Variants in MUC17 observed in about 807,000 individuals in gnomAD.
MUC17 encodes the protein mucin-17.
In MUC17, 190 loss-of-function variants were observed where a neutral mutation model predicts 170.3. The observed-to-expected ratio is 1.12, with a 90% CI of 0.99 to 1.26. MUC17 has a LOEUF of 1.26. MUC17 is among the 50% of genes most tolerant of loss of function. The pLI, the probability that MUC17 is intolerant of heterozygous loss-of-function variation, is 0.00. For missense variants in MUC17, 6,415 were observed against 5,530.0 expected (o/e 1.16, Z -5.08); for synonymous variants, 2,325 against 2,002.5 (o/e 1.16, Z -4.30).
rs200376693 is a variant in MUC17 at position 101,033,434 on chromosome 7, C to T, written c.2018C>T (p.Ala673Val). ...STEATSSSTT[A>V]EGTSMPTSTY... ...GAAGCCACTTCATCTTCTACAACTG[C>T]GGAAGGTACCAGCATGCCAACCTCA... is the stretch of plus-strand genomic sequence containing the variant. The change falls in exon 3 of 13, where the codon GCG becomes GTG. Residue 673 changes from alanine (A) to valine (V), a missense_variant. Physicochemically the swap from Ala to Val is moderately conservative, Grantham distance 64 (BLOSUM62 0). Transcript: ENST00000306151. The T allele has an allele frequency of 1.4e-4, 229 of 1,613,552 alleles. No individual in the cohort carries two copies. Among genetic ancestry groups the T allele is most frequent in the Admixed American group, 2.2e-4 (13 of 59,922 alleles).
chr7:101,050,217 C>T (rs1250623486), intron 6 of MUC17, among the ~76,000 whole-genome samples: 1 of 152,188 alleles, frequency 6.6e-6, no homozygotes, highest in African/African-American at 2.4e-5. Context: ...TTCCCTAAGA[C>T]CTACCAGAGA....
rs781506683 is a variant in MUC17 at position 101,043,242 on chromosome 7, C to T, written c.11826C>T (p.Pro3942=). ...CACCTGGGACAACCATTTTTATTCC[C>T]AGCACTCCTGTCACCAGTTCTACTG... ...GSTPGTTIFI[P]STPVTSSTAD... The change falls in exon 3 of 13, where the codon CCC becomes CCT. Residue 3942 remains proline, a synonymous_variant. Coordinates refer to ENST00000306151, the MANE Select transcript of MUC17 (RefSeq NM_001040105.2). 4.3e-6 allele frequency: 7 copies of T among 1,614,036 alleles called. No homozygotes were observed. The highest frequency in any genetic ancestry group is 1.7e-5 in the Admixed American group (1 of 59,996).
chr7:101,037,413 T>C lies in MUC17; in HGVS notation c.5997T>C (p.Ser1999=), dbSNP rs921935456. The C allele has an allele frequency of 6.2e-7, 1 of 1,612,608 alleles. No individual in the cohort carries two copies. The highest frequency in any genetic ancestry group is 8.5e-7 in the Non-Finnish European group (1 of 1,179,106). The change falls in exon 3 of 13, where the codon AGT becomes AGC. Residue 1999 remains serine, a synonymous_variant. Transcript: ENST00000306151. ...CTCTCAGCACCACGCTGGTGGTCAG[T>C]TCTGAGGCTAGCACTCTTTCCACAA... ...SMPLSTTLVV[S]SEASTLSTTP...
intron 1 of MUC17, among the ~76,000 whole-genome samples, chr7:101,025,172 C>T (rs1158557900): frequency 6.6e-6 from 1 of 151,390 alleles, no homozygotes; most frequent in Admixed American, 6.6e-5. Flanking sequence ...TGAGACCAGC[C>T]TGGGCAACAC....
intron 11 of MUC17, among the ~76,000 whole-genome samples, chr7:101,054,753 A>C (rs1318155606): frequency 1.3e-5 from 2 of 152,174 alleles, no homozygotes; most frequent in Non-Finnish European, 2.9e-5. Context: ...CCAGGAGGTC[A>C]AGGCTGCGTG....
chr7:101,021,208 C>T (rs1299267897), intron 1 of MUC17, among the ~76,000 whole-genome samples: 26 of 114,978 alleles, frequency 2.3e-4, no homozygotes, highest in African/African-American at 5.1e-4. Flanking sequence ...TTTTTTGAGA[C>T]GGAGCCTCGC....
Position 101,033,314 on chromosome 7 carries a change from G to T in MUC17, c.1898G>T (p.Ser633Ile). The change falls in exon 3 of 13, where the codon AGT (serine) becomes ATT (isoleucine). Residue 633 changes from serine to isoleucine, a missense_variant. By Grantham distance (142) the Ser-to-Ile change is moderately radical. Transcript: ENST00000306151. ...TYSERGTTIT[S>I]MSVSTTLVAS... ...AGTGAAAGAGGCACTACAATAACAA[G>T]TATGTCTGTCAGCACCACACTGGTG... The T allele has an allele frequency of 1.2e-6, 2 of 1,612,932 alleles. No individual in the cohort carries two copies. Among genetic ancestry groups the T allele is most frequent in the Non-Finnish European group, 1.7e-6 (2 of 1,179,532 alleles).
chr7:101,054,620 G>A (rs948522571), intron 11 of MUC17, among the ~76,000 whole-genome samples: 1 of 152,078 alleles, frequency 6.6e-6, no homozygotes, highest in Non-Finnish European at 1.5e-5. Context: ...CTTGAGGCCA[G>A]GAGTTCAAGA....
rs535760933 is a variant in MUC17, at chr7:101,041,116, G to T, written c.9700G>T (p.Val3234Leu). 2.5e-6 allele frequency: 4 copies of T among 1,613,688 alleles called. No individual in the cohort carries two copies. The Admixed American group carries it at 6.7e-5, about 27-fold the overall frequency. The change falls in exon 3 of 13, where the codon GTG becomes TTG. Residue 3234 changes from valine to leucine, a missense_variant. Val to Leu is a conservative substitution (Grantham distance 32). Coordinates refer to ENST00000306151, the MANE Select transcript of MUC17 (RefSeq NM_001040105.2). ...LTSVPVSNTP[V>L]ASSEASILST... Reference sequence around the variant, plus strand: ...TAGTGTACCTGTCAGCAACACGCCGGTGGCCAGTTCTGAGGCTAGCATCCT... The same window carrying T: ...TAGTGTACCTGTCAGCAACACGCCGTTGGCCAGTTCTGAGGCTAGCATCCT...
chr7:101,039,416 C>G lies in MUC17; in HGVS notation c.8000C>G (p.Ser2667Cys). Residue 2667 changes from serine to cysteine, a missense_variant, in exon 3 of 13, where the codon TCC (serine) becomes TGC (cysteine). Coordinates refer to ENST00000306151, the MANE Select transcript of MUC17 (RefSeq NM_001040105.2). ...PVDTRTLVTT[S>C]TGTSSSPTTA... ...GACACCAGGACACTTGTGACCACTTCCACTGGAACCAGTTCATCTCCTACA... is the reference window on the plus strand; with the variant it reads ...GACACCAGGACACTTGTGACCACTTGCACTGGAACCAGTTCATCTCCTACA... The G allele has an allele frequency of 6.2e-7, 1 of 1,612,206 alleles. No homozygotes were observed. The highest frequency in any genetic ancestry group is 8.5e-7 in the Non-Finnish European group (1 of 1,179,348).
Position 101,032,219 on chromosome 7 carries a change from C to T in MUC17, c.803C>T (p.Ser268Leu). 6.2e-7 allele frequency: 1 copy of T among 1,614,204 alleles called. No homozygotes were observed. The highest frequency in any genetic ancestry group is 8.5e-7 in the Non-Finnish European group (1 of 1,180,020). The change falls in exon 3 of 13, where the codon TCA becomes TTA. Residue 268 changes from serine to leucine, a missense_variant. By Grantham distance (145) the Ser-to-Leu change is moderately radical (BLOSUM62 -2). Coordinates refer to ENST00000306151, the MANE Select transcript of MUC17 (RefSeq NM_001040105.2). ...TTAEGPSLSNSAPSGGSTPLT... is the reference protein window; with the variant it reads ...TTAEGPSLSNLAPSGGSTPLT... Reference sequence around the variant, plus strand: ...GCTGAAGGTCCCAGCCTGTCAAACTCAGCTCCTAGTGGAGGAAGCACTCCA... The same window carrying T: ...GCTGAAGGTCCCAGCCTGTCAAACTTAGCTCCTAGTGGAGGAAGCACTCCA...
At chr7:101,026,252 G>GGGGCCA (rs1285079046) in intron 1 of MUC17, among the ~76,000 whole-genome samples, 2 of 152,242 alleles carry the variant, frequency 1.3e-5, no homozygotes, top group Non-Finnish European at 2.9e-5. Flanking sequence ...TTTACCTGCA[G>GGGGCCA]GGGCCAGGCC....
rs1308008629 is a variant in MUC17, at chr7:101,051,510, C to G, written c.12875-103C>G. 3.6e-6 allele frequency: 4 copies of G among 1,125,094 alleles called. No homozygotes were observed. In the African/African-American group the frequency reaches 6.3e-5, roughly 18 times the overall value. The allele number at this position is 1,125,094 out of a possible 1,614,324, so 69.7% of individuals were successfully genotyped here. On this transcript the variant is annotated intron_variant, in intron 7 of 12. Transcript: ENST00000306151. ...CTGCCGGGGCCGGATTCCCACCTCCCCATCGCAGCCCACCCCCTTCTCACA... is the reference window on the plus strand; with the variant it reads ...CTGCCGGGGCCGGATTCCCACCTCCGCATCGCAGCCCACCCCCTTCTCACA...
rs1444384273 is a variant in MUC17, at chr7:101,050,377, C to T, written c.12723-107C>T. The T allele has an allele frequency of 4.7e-6, 7 of 1,502,382 alleles. No individual in the cohort carries two copies. The Admixed American group carries it at 6.4e-5, about 14-fold the overall frequency. 93.1% of individuals were successfully genotyped at this position (1,502,382 alleles called of 1,614,324 possible). The stretch of plus-strand genomic sequence containing the variant: ...AGTCATCACCCCAACTGTCCTGCCC[C>T]CAGCTCTGCCTTCCCTTGGGATCAG... On this transcript the variant is annotated intron_variant, in intron 6 of 12. Coordinates refer to ENST00000306151, the MANE Select transcript of MUC17 (RefSeq NM_001040105.2).
At position 101,043,541 on chromosome 7, in the gene MUC17, C is replaced by T. The variant is rs142699093; in HGVS notation, c.12125C>T (p.Thr4042Ile). 1.4e-5 allele frequency: 22 copies of T among 1,614,234 alleles called. No homozygotes were observed. The highest frequency in any genetic ancestry group is 1.2e-4 in the African/African-American group (9 of 75,054). ...CCTCACACCTCTACTTCTGTCACCA[C>T]CCGTCCTGTGACCCCTTCATCAGAA... Reference protein sequence around the residue: ...STPHTSTSVTTRPVTPSSESS... With the variant: ...STPHTSTSVTIRPVTPSSESS... Residue 4042 changes from threonine (T) to isoleucine (I), a missense_variant, in exon 3 of 13, where the codon ACC becomes ATC. Transcript: ENST00000306151.
rs1584861146 is a variant in MUC17 at position 101,034,417 on chromosome 7, A to T, written c.3001A>T (p.Ser1001Cys). 1.2e-6 allele frequency: 2 copies of T among 1,608,024 alleles called. No homozygotes were observed. The highest frequency in any genetic ancestry group is 8.5e-7 in the Non-Finnish European group (1 of 1,176,880). ...CACGCTGGTGGCCAATTCTGAGGCT[A>T]GCACCCTTTCAACAACTCCTGTTGA... is the stretch of plus-strand genomic sequence containing the variant. Reference protein sequence around the residue: ...SHTLVANSEASTLSTTPVDSN... With the variant: ...SHTLVANSEACTLSTTPVDSN... The change falls in exon 3 of 13, where the codon AGC becomes TGC. Residue 1001 changes from serine to cysteine, a missense_variant. Coordinates refer to ENST00000306151, the MANE Select transcript of MUC17 (RefSeq NM_001040105.2).
rs144370380 is a variant in MUC17, at chr7:101,039,355, A to C, written c.7939A>C (p.Ser2647Arg). Reference protein sequence around the residue: ...SILVSTMPVASSEASTLSTTP... With the variant: ...SILVSTMPVARSEASTLSTTP... Reference sequence around the variant, plus strand: ...ACTTGTCAGCACCATGCCAGTGGCCAGTTCTGAGGCTAGCACCCTTTCAAC... The same window carrying C: ...ACTTGTCAGCACCATGCCAGTGGCCCGTTCTGAGGCTAGCACCCTTTCAAC... Residue 2647 changes from serine to arginine, a missense_variant, in exon 3 of 13, where the codon AGT becomes CGT. By Grantham distance (110) the Ser-to-Arg change is moderately radical. Coordinates refer to ENST00000306151, the MANE Select transcript of MUC17 (RefSeq NM_001040105.2). The C allele has an allele frequency of 1.2e-4, 201 of 1,613,008 alleles. 3 individuals are homozygous for C. The highest frequency in any genetic ancestry group is 1.6e-4 in the Non-Finnish European group (193 of 1,179,482).
rs567129894 is a variant in MUC17 at position 101,031,855 on chromosome 7, G to A, written c.439G>A (p.Val147Met). ...TCCTACAACTCCTGAAGGCACCGAC[G>A]TGCCCATGTCAACACCAAGTGAAGA... ...SSPTTPEGTD[V>M]PMSTPSEESI... The change falls in exon 3 of 13, where the codon GTG becomes ATG. Residue 147 changes from valine (V) to methionine (M), a missense_variant. By Grantham distance (21) the Val-to-Met change is conservative. Coordinates refer to ENST00000306151, the MANE Select transcript of MUC17 (RefSeq NM_001040105.2). The A allele has an allele frequency of 2.5e-5, 41 of 1,614,118 alleles. No homozygotes were observed. In the Admixed American group the frequency reaches 3.7e-4, roughly 14 times the overall value.
In MUC17 at chr7:101,037,659, C is replaced by T; in HGVS notation, c.6243C>T (p.Ala2081=). The T allele has an allele frequency of 6.2e-7, 1 of 1,613,706 alleles. No individual in the cohort carries two copies. The highest frequency in any genetic ancestry group is 8.5e-7 in the Non-Finnish European group (1 of 1,179,862). ...SKTQVTNSTE[A]SSSATAEGSS... ...CTCAGGTGACCAATTCTACTGAAGC[C>T]AGTTCATCTGCAACCGCTGAAGGTA... Residue 2081 remains alanine (A), a synonymous_variant, in exon 3 of 13, where the codon GCC becomes GCT. Coordinates refer to ENST00000306151, the MANE Select transcript of MUC17 (RefSeq NM_001040105.2).
Sources: allele counts gnomAD v4.1 joint callset (sites outside exome capture counted in the v4.1 genomes callset), GRCh38; gene constraint gnomAD v4.1.1; transcripts MANE v1.5; gene names NCBI Gene and HGNC (gene_info 2026-07-23, HGNC 2026-07-21).